The following ATAD2B variants were observed in gnomAD, a reference collection of about 807,000 sequenced individuals.
The protein encoded by ATAD2B is ATPase family AAA domain-containing protein 2B.
In ATAD2B, 40 loss-of-function variants were observed where a neutral mutation model predicts 167.6. The ratio of observed to expected loss-of-function variants is 0.24; its 90% CI spans 0.19 to 0.31. The LOEUF (loss-of-function observed/expected upper bound fraction) is 0.31, where lower values mean the gene tolerates loss of function less well. ATAD2B is among the 10% of genes least tolerant of loss of function. The pLI is 1.00. For synonymous variants in ATAD2B, 579 were observed against 596.5 expected (o/e 0.97, Z 0.43); for missense variants, 1,242 against 1,757.2 (o/e 0.71, Z 5.24).
chr2:23,926,616 C>T lies in ATAD2B; in HGVS notation c.155G>A (p.Ser52Asn). The T allele has an allele frequency of 1.3e-6, 2 of 1,563,992 alleles. No homozygotes were observed. Among genetic ancestry groups the T allele is most frequent in the African/African-American group, 1.4e-5 (1 of 73,706 alleles). The part of the protein sequence containing the change: ...RTRSSKTRAA[S>N]CPAAKAGGSG... Reference sequence around the variant, plus strand: ...TCCCCCGGCTTTGGCGGCGGGGCAGCTGGCGGCGCGGGTCTTGGAGGAGCG... The same window carrying T: ...TCCCCCGGCTTTGGCGGCGGGGCAGTTGGCGGCGCGGGTCTTGGAGGAGCG... Residue 52 changes from serine to asparagine, a missense_variant, in exon 1 of 28, where the codon AGC (serine) becomes AAC (asparagine). Coordinates refer to ENST00000238789, the MANE Select transcript of ATAD2B (RefSeq NM_017552.4).
At position 23,919,180 on chromosome 2, in the gene ATAD2B, T is replaced by TAA. The variant is rs71395163; in HGVS notation, c.216+7373_216+7374dup. ...CAACATAAAAAGACCCCATCTCTAT[T>TAA]AAAAAAAAAGAGAGAGAGAGAGAGA... On this transcript the variant is annotated intron_variant, in intron 1 of 27. Coordinates refer to ENST00000238789, the MANE Select transcript of ATAD2B (RefSeq NM_017552.4). Among the ~76,000 whole-genome samples, 651 of 130,516 alleles carry TAA rather than the reference T, an allele frequency of 5.0e-3. 6 individuals carry two copies. The highest frequency in any genetic ancestry group is 9.6e-3 in the Admixed American group (107 of 11,094). 85.6% of individuals were successfully genotyped at this position (130,516 alleles called of 152,430 possible).
the ATAD2B span, chr2:23,691,957 G>A: frequency 1.9e-5 from 27 of 1,399,530 alleles, no homozygotes; most frequent in Middle Eastern, 1.8e-4. Context: ...AGGACTGAGC[G>A]GGGAGGTCTG....
intron 14 of ATAD2B, among the ~76,000 whole-genome samples, chr2:23,832,807 T>C (rs1037205428): frequency 2.6e-5 from 4 of 152,208 alleles, no homozygotes; most frequent in Admixed American, 2.6e-4. Flanking sequence ...GTCTCAGAAC[T>C]AAGCACATTT....
At chr2:23,808,939 G>C (rs1163735290) in intron 18 of ATAD2B, 4 of 152,108 alleles carry the variant, frequency 2.6e-5, no homozygotes, top group African/African-American at 7.2e-5. Context: ...TGTTGGAACA[G>C]TGTGACTAGC....
the ATAD2B span, chr2:23,691,676 C>T: frequency 6.4e-7 from 1 of 1,551,666 alleles, no homozygotes; most frequent in East Asian, 2.4e-5. Flanking sequence ...GTGCCTAGGT[C>T]CGTGCAAGAC....
intron 20 of ATAD2B, among the ~76,000 whole-genome samples, chr2:23,787,747 G>A (rs1474987414): frequency 6.6e-6 from 1 of 152,060 alleles, no homozygotes; most frequent in East Asian, 1.9e-4. Context: ...CAAGGGTAAA[G>A]AGGCTTAAAA....
chr2:23,755,677 A>G (rs1675866860), intron 25 of ATAD2B, among the ~76,000 whole-genome samples: 1 of 152,174 alleles, frequency 6.6e-6, no homozygotes, highest in Non-Finnish European at 1.5e-5. Context: ...TCCATCCTAC[A>G]TTAGTCCTCT....
chr2:23,920,647 G>GAA (rs1422819694), intron 1 of ATAD2B, among the ~76,000 whole-genome samples: 1 of 151,982 alleles, frequency 6.6e-6, no homozygotes, highest in Non-Finnish European at 1.5e-5. Context: ...AGTTAGAGGA[G>GAA]AAAGACTTTA....
Position 23,807,686 on chromosome 2 carries a change from C to T in ATAD2B, c.2454+2630G>A, listed in dbSNP as rs866572398. 4.0e-5 allele frequency among the ~76,000 whole-genome samples: 6 copies of T among 151,046 alleles called. No individual in the cohort carries two copies. The South Asian group carries it at 6.2e-4, about 16-fold the overall frequency. On this transcript the variant is annotated intron_variant, in intron 18 of 27. Transcript: ENST00000238789. ...AAAAAATTAGCTGGGCATGGTGGCA[C>T]GCACCTGTAGTCCCAGCTACTTGGG...
At chr2:23,696,310 T>C in the ATAD2B span, 1 of 1,550,512 alleles carries the variant, frequency 6.4e-7, no homozygotes, top group African/African-American at 1.4e-5. The surrounding 1 kb of genome is among the most constrained non-coding windows in gnomAD (Gnocchi z 5.5). Context: ...GCCCGCTCTC[T>C]CTGCCTCCCA....
intron 14 of ATAD2B, among the ~76,000 whole-genome samples, chr2:23,832,918 T>G (rs1689293608): frequency 6.6e-6 from 1 of 152,246 alleles, no homozygotes; most frequent in Non-Finnish European, 1.5e-5. Flanking sequence ...CTGTACCTAC[T>G]TCAGCCCTAT....
chr2:23,907,457 G>C (rs929058666), intron 1 of ATAD2B, among the ~76,000 whole-genome samples: 1 of 151,874 alleles, frequency 6.6e-6, no homozygotes, highest in Non-Finnish European at 1.5e-5. Flanking sequence ...CACTGCTCAA[G>C]GAAATAAAAG....
chr2:23,883,011 C>T lies in ATAD2B; in HGVS notation c.784+1754G>A, dbSNP rs142710543. 4.7e-3 allele frequency among the ~76,000 whole-genome samples: 716 copies of T among 151,020 alleles called. 3 individuals carry two copies. The highest frequency in any genetic ancestry group is 5.8e-3 in the Non-Finnish European group (391 of 67,670). ...GCAAAGGGCTGGACATGGTGGCTTA[C>T]GCCTATAAACCCAGCACTTTGGGAG... On this transcript the variant is annotated intron_variant, in intron 6 of 27. Coordinates refer to ENST00000238789, the MANE Select transcript of ATAD2B (RefSeq NM_017552.4).
chr2:23,797,811 C>G (rs567290810), intron 19 of ATAD2B, among the ~76,000 whole-genome samples: 1 of 152,152 alleles, frequency 6.6e-6, no homozygotes, highest in East Asian at 1.9e-4. Context: ...TCAAATTTTC[C>G]ACTAGTGGCT....
chr2:23,762,389 C>G (rs946718040), intron 23 of ATAD2B, 43 bp from the exon 24 acceptor site: 1 of 1,552,258 alleles, frequency 6.4e-7, no homozygotes, highest in Non-Finnish European at 8.7e-7. Flanking sequence ...ATATTCCCAG[C>G]TACATAAACC....
At chr2:23,900,110 G>T (rs954356598) in intron 1 of ATAD2B, among the ~76,000 whole-genome samples, 1 of 151,012 alleles carries the variant, frequency 6.6e-6, no homozygotes, top group African/African-American at 2.4e-5. Flanking sequence ...TAGAGACAGC[G>T]TTTCACTGTG....
At chr2:23,880,277 A>G (rs905125007) in intron 7 of ATAD2B, among the ~76,000 whole-genome samples, 2 of 152,230 alleles carry the variant, frequency 1.3e-5, no homozygotes, top group African/African-American at 2.4e-5. Context: ...AAGTATATGT[A>G]GTAAAAAAAA....
At position 23,775,222 on chromosome 2, in the gene ATAD2B, A is replaced by ATT. The variant is rs151072060; in HGVS notation, c.3133+7645_3133+7646dup. Among the ~76,000 whole-genome samples, 44 of 147,162 alleles carry ATT rather than the reference A, an allele frequency of 3.0e-4. 1 individual carries two copies. The highest frequency in any genetic ancestry group is 9.7e-4 in the African/African-American group (39 of 40,358). On this transcript the variant is annotated intron_variant, in intron 22 of 27. Transcript: ENST00000238789. Reference sequence around the variant, plus strand: ...ATTTTATTTTATTTTTTTATGTTTTATTTTTTTTTTTGAGACGTTGTCTTG... The same window carrying ATT: ...ATTTTATTTTATTTTTTTATGTTTTATTTTTTTTTTTTTGAGACGTTGTCTTG...
In ATAD2B at chr2:23,758,947, T is replaced by C. The variant is rs183195942; in HGVS notation, c.3395-846A>G. 3.3e-5 allele frequency among the ~76,000 whole-genome samples: 5 copies of C among 152,304 alleles called. No homozygotes were observed. The East Asian group carries it at 7.7e-4, about 23-fold the overall frequency. ...GGCAGCTAGGGCCTCTAGGTATTAA[T>C]GGACCCTGGAATTTTTAATTTCTCA... On this transcript the variant is annotated intron_variant, in intron 24 of 27. Transcript: ENST00000238789.
Sources: gnomAD v4.1 joint callset for allele counts (sites outside exome capture counted in the v4.1 genomes callset) on GRCh38, gnomAD v4.1.1 for gene constraint, Gnocchi (gnomAD v3.1) non-coding constraint, MANE v1.5 for transcripts, NCBI Gene and HGNC (gene_info 2026-07-23, HGNC 2026-07-21) for gene names.